C16orf95: variants seen among roughly 807,000 people sequenced by gnomAD.
C16orf95 encodes the protein uncharacterized protein C16orf95.
In C16orf95, 41 loss-of-function variants were observed where a neutral mutation model predicts 32.1. That is an observed-to-expected ratio of 1.28 (90% CI 1.00 to 1.66). C16orf95 has a LOEUF of 1.66. C16orf95 is among the 40% of genes most tolerant of loss of function. C16orf95 has a pLI of 0.00. For synonymous variants in C16orf95, 147 were observed against 128.9 expected (o/e 1.14, Z -0.95); for missense variants, 399 against 325.9 (o/e 1.22, Z -1.73).
chr16:87,305,684 G>A lies in C16orf95; in HGVS notation c.701+35C>T, dbSNP rs1910986958. 6.8e-7 allele frequency: 1 copy of A among 1,464,068 alleles called. No individual in the cohort carries two copies. Among genetic ancestry groups the A allele is most frequent in the African/African-American group, 1.4e-5 (1 of 69,788 alleles). The allele number at this position is 1,464,068 out of a possible 1,614,324, so 90.7% of individuals were successfully genotyped here. On this transcript the variant is annotated intron_variant, in intron 6 of 6. Coordinates refer to ENST00000567970, the MANE Select transcript of C16orf95 (RefSeq NM_001195124.3). The surrounding 1 kb of genome is among the most constrained non-coding windows in gnomAD (Gnocchi z 4.2). The stretch of plus-strand genomic sequence containing the variant: ...CCTCAGGTGGACGTCACCATGCCAG[G>A]GCCACCCACTGTCCCCCATCCCCCA...
chr16:87,315,886 A>C, intron 1 of C16orf95, 63 bp from the exon 2 acceptor site: 1 of 1,198,326 alleles, frequency 8.3e-7, no homozygotes, highest in South Asian at 1.5e-5. Flanking sequence ...ATGCTAGAGC[A>C]CAGGCCTGGA....
intron 5 of C16orf95, among the ~76,000 whole-genome samples, chr16:87,308,920 T>G (rs953347790): frequency 1.3e-5 from 2 of 152,236 alleles, no homozygotes; most frequent in African/African-American, 4.8e-5. Context: ...TGGCTAGTGT[T>G]TCTGCTGGTA....
Position 87,315,105 on chromosome 16 carries a change from G to C in C16orf95, c.205-9C>G. 2.0e-6 allele frequency: 3 copies of C among 1,535,798 alleles called. No individual in the cohort carries two copies. Among genetic ancestry groups the C allele is most frequent in the Non-Finnish European group, 2.6e-6 (3 of 1,146,732 alleles). On this transcript the variant is annotated splice_polypyrimidine_tract_variant and intron_variant, in intron 2 of 6. Transcript: ENST00000567970. Reference sequence around the variant, plus strand: ...CAGGGGCCAGGGTGCATCTGAGTAAGATCCAGAAATGACAGAACTGAGCTT... The same window carrying C: ...CAGGGGCCAGGGTGCATCTGAGTAACATCCAGAAATGACAGAACTGAGCTT...
At position 87,315,108 on chromosome 16, in the gene C16orf95, C is replaced by T. The variant is rs1740469721; in HGVS notation, c.205-12G>A. On this transcript the variant is annotated splice_polypyrimidine_tract_variant and intron_variant, in intron 2 of 6. Coordinates refer to ENST00000567970, the MANE Select transcript of C16orf95 (RefSeq NM_001195124.3). The stretch of plus-strand genomic sequence containing the variant: ...GGGCCAGGGTGCATCTGAGTAAGAT[C>T]CAGAAATGACAGAACTGAGCTTGAT... 6.5e-7 allele frequency: 1 copy of T among 1,535,408 alleles called. No homozygotes were observed. The highest frequency in any genetic ancestry group is 1.4e-5 in the African/African-American group (1 of 73,000).
At chr16:87,316,869 A>G (rs765978453) in intron 1 of C16orf95, among the ~76,000 whole-genome samples, 6 of 152,242 alleles carry the variant, frequency 3.9e-5, no homozygotes, top group African/African-American at 7.2e-5. Flanking sequence ...TTCCAGGACC[A>G]TGGTCAATGT....
chr16:87,304,740 A>G (rs1435626582), intron 6 of C16orf95, among the ~76,000 whole-genome samples: 2 of 152,158 alleles, frequency 1.3e-5, no homozygotes, highest in African/African-American at 2.4e-5. Context: ...AGGAGAATGG[A>G]TAACCCAAAA....
At chr16:87,311,066 C>A (rs1158565092) in intron 4 of C16orf95, 84 bp downstream of exon 4, 9 of 1,290,036 alleles carry the variant, frequency 7.0e-6, no homozygotes, top group Non-Finnish European at 8.2e-6. Context: ...AGGTACCCCT[C>A]TTCCCCTTCT....
At chr16:87,311,394 G>C in intron 3 of C16orf95, 98 bp from the exon 4 acceptor site, 1 of 1,309,440 alleles carries the variant, frequency 7.6e-7, no homozygotes, top group Non-Finnish European at 1.0e-6. Context: ...AGATCCCCTG[G>C]CTGGGTCTTA....
chr16:87,305,972 C>G lies in C16orf95; in HGVS notation c.515-67G>C. ...CGGGACTCTGTGAGCCACGAGGAGG[C>G]TGCAACACCAGCCCCAGAGCCTCCG... On this transcript the variant is annotated intron_variant, in intron 5 of 6. Transcript: ENST00000567970. The surrounding 1 kb of genome is among the most constrained non-coding windows in gnomAD (Gnocchi z 4.2). 2 of 1,246,522 alleles carry G rather than the reference C, an allele frequency of 1.6e-6. No homozygotes were observed. 77.2% of individuals were successfully genotyped at this position (1,246,522 alleles called of 1,614,324 possible).
chr16:87,314,935 AC>A, intron 3 of C16orf95, 35 bp downstream of exon 3: 1 of 1,529,562 alleles, frequency 6.5e-7, no homozygotes, highest in Non-Finnish European at 8.7e-7. Flanking sequence ...TTCACCCTGG[AC>A]CCTAGGGGAA....
rs1904401365 is a variant in C16orf95 at position 87,317,364 on chromosome 16, A to C, written c.-122T>G. ...CAACCCGAGCTCAACCCCAGCCCCA[A>C]CCTCAACCGCTCAGAGGAGCCCAAC... On this transcript the variant is annotated 5_prime_UTR_variant, in exon 1 of 7. Transcript: ENST00000567970. 3 of 1,398,194 alleles carry C rather than the reference A, an allele frequency of 2.1e-6. No individual in the cohort carries two copies. The highest frequency in any genetic ancestry group is 2.8e-6 in the Non-Finnish European group (3 of 1,078,904). The allele number at this position is 1,398,194 out of a possible 1,614,324, so 86.6% of individuals were successfully genotyped here.
intron 3 of C16orf95, among the ~76,000 whole-genome samples, chr16:87,312,749 T>A (rs1339041455): frequency 6.6e-6 from 1 of 151,972 alleles, no homozygotes; most frequent in Non-Finnish European, 1.5e-5. Context: ...AAGAAAGCCA[T>A]CTCTATTTGC....
Position 87,315,109 on chromosome 16 carries a change from C to T in C16orf95, c.205-13G>A. ...GGCCAGGGTGCATCTGAGTAAGATC[C>T]AGAAATGACAGAACTGAGCTTGATG... On this transcript the variant is annotated splice_polypyrimidine_tract_variant and intron_variant, in intron 2 of 6. Transcript: ENST00000567970. 1 of 1,535,430 alleles carries T rather than the reference C, an allele frequency of 6.5e-7. No homozygotes were observed. Among genetic ancestry groups the T allele is most frequent in the Non-Finnish European group, 8.7e-7 (1 of 1,146,520 alleles).
chr16:87,316,876 A>G (rs924625889), intron 1 of C16orf95, among the ~76,000 whole-genome samples: 7 of 152,378 alleles, frequency 4.6e-5, no homozygotes, highest in African/African-American at 1.2e-4. Context: ...ACCATGGTCA[A>G]TGTGTACCTG....
chr16:87,308,464 G>A (rs1409076603), intron 5 of C16orf95, among the ~76,000 whole-genome samples: 1 of 150,716 alleles, frequency 6.6e-6, no homozygotes, highest in Non-Finnish European at 1.5e-5. Context: ...GTGACAAAGT[G>A]AGACTGCATC....
intron 4 of C16orf95, 83 bp downstream of exon 4, chr16:87,311,067 T>A (rs1419719302): frequency 2.0e-5 from 26 of 1,292,002 alleles, no homozygotes; most frequent in Non-Finnish European, 2.6e-5. Context: ...GGTACCCCTC[T>A]TCCCCTTCTT....
At position 87,305,323 on chromosome 16, in the gene C16orf95, C is replaced by G. The variant is rs1240657780; in HGVS notation, c.701+396G>C. On this transcript the variant is annotated intron_variant, in intron 6 of 6. Coordinates refer to ENST00000567970, the MANE Select transcript of C16orf95 (RefSeq NM_001195124.3). The surrounding 1 kb of genome is among the most constrained non-coding windows in gnomAD (Gnocchi z 4.2). ...CAAGCTGGGGACAGGCAAGAGGTCCCCATACCTGAGGGGGTGCTCAGAGCT... is the reference window on the plus strand; with the variant it reads ...CAAGCTGGGGACAGGCAAGAGGTCCGCATACCTGAGGGGGTGCTCAGAGCT... Among the ~76,000 whole-genome samples, 1 of 152,098 alleles carries G rather than the reference C, an allele frequency of 6.6e-6. No individual in the cohort carries two copies. The highest frequency in any genetic ancestry group is 2.4e-5 in the African/African-American group (1 of 41,410).
intron 5 of C16orf95, among the ~76,000 whole-genome samples, chr16:87,309,751 A>G (rs1911196940): frequency 6.6e-6 from 1 of 152,160 alleles, no homozygotes; most frequent in Admixed American, 6.5e-5. Context: ...TTGTGAATAC[A>G]TGAATGTGAG....
At position 87,305,116 on chromosome 16, in the gene C16orf95, TC is replaced by T. The variant is rs1304107907; in HGVS notation, c.701+602del. ...TAAAGGAGTAAGAGGAAGTAGCTGT[TC>T]CCCGAAGCCCAGCTGTGGCCCGGGG... On this transcript the variant is annotated intron_variant, in intron 6 of 6. Coordinates refer to ENST00000567970, the MANE Select transcript of C16orf95 (RefSeq NM_001195124.3). The surrounding 1 kb of genome is among the most constrained non-coding windows in gnomAD (Gnocchi z 4.2). 1.3e-5 allele frequency among the ~76,000 whole-genome samples: 2 copies of T among 152,126 alleles called. No homozygotes were observed.
Sources: gnomAD v4.1 joint callset for allele counts (sites outside exome capture counted in the v4.1 genomes callset) on GRCh38, gnomAD v4.1.1 for gene constraint, Gnocchi (gnomAD v3.1) non-coding constraint, MANE v1.5 for transcripts, NCBI Gene and HGNC (gene_info 2026-07-23, HGNC 2026-07-21) for gene names.